Variants in MLIP observed in about 807,000 individuals in gnomAD.
MLIP encodes the protein muscular LMNA-interacting protein.
A neutral mutation model predicts 84.8 loss-of-function variants in MLIP; 79 were observed. That is an observed-to-expected ratio of 0.93 (90% confidence interval 0.78 to 1.12). MLIP has a LOEUF of 1.12. Ranked by LOEUF, MLIP falls within the 50% of genes most tolerant of loss-of-function variation. MLIP has a pLI of 0.00. For missense variants in MLIP, 1,257 were observed against 1,160.6 expected (o/e 1.08, Z -1.21); for synonymous variants, 504 against 463.0 (o/e 1.09, Z -1.14).
chr6:54,149,892 A>T (rs1298948350), intron 5 of MLIP, among the ~76,000 whole-genome samples: 1 of 152,182 alleles, frequency 6.6e-6, no homozygotes, highest in Non-Finnish European at 1.5e-5. Flanking sequence ...TGATATCAGA[A>T]TCAAAGTGAA....
chr6:54,221,260 T>A (rs888476336), intron 11 of MLIP, among the ~76,000 whole-genome samples: 8 of 152,128 alleles, frequency 5.3e-5, no homozygotes, highest in African/African-American at 1.9e-4. Flanking sequence ...TCCCAGGTAG[T>A]GGTCCTTTCC....
At chr6:54,042,965 G>A (rs906409602) in intron 1 of MLIP, among the ~76,000 whole-genome samples, 5 of 152,156 alleles carry the variant, frequency 3.3e-5, no homozygotes, top group Non-Finnish European at 7.3e-5. Flanking sequence ...AATATAAAGG[G>A]AGATAAGTGA....
chr6:54,244,747 A>G (rs957853803), intron 12 of MLIP, among the ~76,000 whole-genome samples: 1 of 152,182 alleles, frequency 6.6e-6, no homozygotes, highest in Admixed American at 6.5e-5. Context: ...AATTTTTTCC[A>G]GGAAACTGAG....
chr6:54,124,128 C>G (rs1176841248), intron 2 of MLIP, among the ~76,000 whole-genome samples: 1 of 152,168 alleles, frequency 6.6e-6, no homozygotes, highest in African/African-American at 2.4e-5. Flanking sequence ...ATTAACTAAA[C>G]CCTTGCCCAA....
At chr6:54,075,559 A>G (rs189606951) in intron 1 of MLIP, among the ~76,000 whole-genome samples, 6 of 152,290 alleles carry the variant, frequency 3.9e-5, no homozygotes, top group Admixed American at 6.5e-5. Context: ...TACTCCATAG[A>G]TATTAGTGCT....
intron 1 of MLIP, among the ~76,000 whole-genome samples, chr6:54,090,625 C>CT (rs539708707): frequency 3.0e-4 from 46 of 151,358 alleles, no homozygotes; most frequent in African/African-American, 1.0e-3. Flanking sequence ...GCACGGCATT[C>CT]TATCTATGTT....
At chr6:54,121,362 G>A (rs1487992180) in intron 1 of MLIP, 85 bp from the exon 2 acceptor site, 2 of 1,384,474 alleles carry the variant, frequency 1.4e-6, no homozygotes, top group African/African-American at 2.9e-5. Context: ...CAAAATAAAT[G>A]AGATAAATAT....
intron 13 of MLIP, among the ~76,000 whole-genome samples, chr6:54,258,710 T>TA (rs755994503): frequency 6.6e-6 from 1 of 152,070 alleles, no homozygotes; most frequent in African/African-American, 2.4e-5. Flanking sequence ...CACTTTGTTT[T>TA]ACTTAATTTT....
rs1390697814 is a variant in MLIP at position 54,065,880 on chromosome 6, A to T, written c.63+46789A>T. 3.4e-5 allele frequency among the ~76,000 whole-genome samples: 3 copies of T among 87,638 alleles called. 1 individual carries two copies. Among genetic ancestry groups the T allele is most frequent in the African/African-American group, 8.0e-5 (3 of 37,458 alleles). The allele number at this position is 87,638 out of a possible 152,430, so 57.5% of individuals were successfully genotyped here. A position where few individuals can be genotyped will look rare whatever the true frequency, so the allele number is the denominator to read the frequency against. ...TTCAGTAGCAGAAAATGGATTTCTG[A>T]CTCTGTTAACTGTATGTAGTCTTTT... On this transcript the variant is annotated intron_variant, in intron 1 of 12. Transcript: ENST00000274897.
intron 4 of MLIP, among the ~76,000 whole-genome samples, chr6:54,144,274 T>A (rs1026293738): frequency 1.4e-4 from 21 of 152,314 alleles, no homozygotes; most frequent in African/African-American, 5.1e-4. Flanking sequence ...AGTGTACATG[T>A]AGAGTGATGC....
At chr6:54,068,038 TCTTTCCTTCC>T (rs1561905150) in intron 1 of MLIP, among the ~76,000 whole-genome samples, 27 of 45,828 alleles carry the variant, frequency 5.9e-4, no homozygotes, top group South Asian at 1.0e-3. Flanking sequence ...CTTCCTTTTT[TCTTTCCTTCC>T]TTCCTTCCTT....
chr6:54,121,851 C>T (rs1380107227), intron 2 of MLIP, among the ~76,000 whole-genome samples: 1 of 152,046 alleles, frequency 6.6e-6, no homozygotes, highest in Non-Finnish European at 1.5e-5. Flanking sequence ...ATTCTGCCTC[C>T]TGGCACATTC....
intron 5 of MLIP, among the ~76,000 whole-genome samples, chr6:54,158,641 G>A (rs1774295272): frequency 6.6e-6 from 1 of 151,994 alleles, no homozygotes; most frequent in African/African-American, 2.4e-5. Flanking sequence ...TGCCATCTTG[G>A]CAAGTATTTT....
At chr6:54,149,248 C>A in intron 5 of MLIP, 121 bp downstream of exon 5, 1 of 859,526 alleles carries the variant, frequency 1.2e-6, no homozygotes, top group Non-Finnish European at 1.8e-6. Context: ...AATAACATTC[C>A]ATTCTTAGTT....
At chr6:54,027,359 T>C (rs1763864775) in intron 1 of MLIP, among the ~76,000 whole-genome samples, 1 of 142,914 alleles carries the variant, frequency 7.0e-6, no homozygotes, top group East Asian at 2.0e-4. Context: ...ATGTTTTTAT[T>C]TGGAATAAAA....
chr6:54,177,274 G>C (rs895845435), intron 9 of MLIP, among the ~76,000 whole-genome samples: 20 of 151,608 alleles, frequency 1.3e-4, no homozygotes, highest in African/African-American at 4.8e-4. Flanking sequence ...GAGAATGGGA[G>C]AAATTTTTAC....
At chr6:54,040,911 C>G (rs1388557644) in intron 1 of MLIP, 2 of 151,936 alleles carry the variant, frequency 1.3e-5, no homozygotes, top group Non-Finnish European at 2.9e-5. Flanking sequence ...GTGGGGACTA[C>G]TAGAGGTGGG....
At chr6:54,043,170 G>C (rs981923038) in intron 1 of MLIP, among the ~76,000 whole-genome samples, 77 of 152,264 alleles carry the variant, frequency 5.1e-4, no homozygotes, top group African/African-American at 1.7e-3. Context: ...TCAGAGGAGT[G>C]GGAACAAGTT....
chr6:54,153,031 A>T (rs1254345945), intron 5 of MLIP, among the ~76,000 whole-genome samples: 1 of 152,216 alleles, frequency 6.6e-6, no homozygotes, highest in Admixed American at 6.5e-5. Context: ...GGCTGGGGCT[A>T]GGTACAATGT....
Sources: gnomAD v4.1 joint callset for allele counts (sites outside exome capture counted in the v4.1 genomes callset) on GRCh38, gnomAD v4.1.1 for gene constraint, MANE v1.5 for transcripts, NCBI Gene and HGNC (gene_info 2026-07-23, HGNC 2026-07-21) for gene names.